The following ELF2 variants were observed in gnomAD, a reference collection of about 807,000 sequenced individuals.
ELF2 encodes the protein ETS-related transcription factor Elf-2.
In ELF2, 11 loss-of-function variants were observed where a neutral mutation model predicts 54.8. The ratio of observed to expected loss-of-function variants is 0.20; its 90% CI spans 0.13 to 0.33. The LOEUF (loss-of-function observed/expected upper bound fraction) is 0.33, where lower values mean the gene tolerates loss of function less well. Among genes scored for constraint, ELF2 ranks in the 10% least tolerant of loss-of-function variants. The pLI is 1.00. For synonymous variants in ELF2, 203 were observed against 245.1 expected (o/e 0.83, Z 1.61); for missense variants, 513 against 703.0 (o/e 0.73, Z 3.06).
At chr4:139,077,264 GCA>G (rs1730439915) in intron 4 of ELF2, among the ~76,000 whole-genome samples, 1 of 152,108 alleles carries the variant, frequency 6.6e-6, no homozygotes, top group African/African-American at 2.4e-5. Flanking sequence ...GCTTTAATGA[GCA>G]CTTCGAGTGT....
intron 4 of ELF2, among the ~76,000 whole-genome samples, chr4:139,113,658 CAG>C (rs1735215711): frequency 6.6e-6 from 1 of 152,036 alleles, no homozygotes; most frequent in Admixed American, 6.6e-5. Flanking sequence ...AGTTTGAGAC[CAG>C]CCTGGCCAAC....
intron 1 of ELF2, among the ~76,000 whole-genome samples, chr4:139,148,029 G>C (rs965807303): frequency 2.0e-5 from 3 of 147,782 alleles, no homozygotes; most frequent in African/African-American, 7.5e-5. Flanking sequence ...CAGGTGATCC[G>C]CCTGCCTCAG....
intron 4 of ELF2, among the ~76,000 whole-genome samples, chr4:139,094,065 A>G (rs1265514043): frequency 1.3e-5 from 2 of 151,740 alleles, no homozygotes; most frequent in Admixed American, 6.6e-5. Context: ...TGCCTGGCTA[A>G]TTTTTTGTAT....
intron 3 of ELF2, among the ~76,000 whole-genome samples, chr4:139,126,732 A>G (rs1736957516): frequency 6.6e-6 from 1 of 152,228 alleles, no homozygotes; most frequent in Non-Finnish European, 1.5e-5. Context: ...ATCATCTTAT[A>G]GAAGTAGAAT....
chr4:139,090,060 G>A (rs1732413252), intron 4 of ELF2, among the ~76,000 whole-genome samples: 1 of 152,152 alleles, frequency 6.6e-6, no homozygotes. Context: ...TCTTAAGTTA[G>A]CTAGGACTAC....
At chr4:139,081,011 G>A (rs1325834844) in intron 4 of ELF2, among the ~76,000 whole-genome samples, 1 of 149,450 alleles carries the variant, frequency 6.7e-6, no homozygotes, top group African/African-American at 2.5e-5. Context: ...ACTTATTTTA[G>A]AGCTTTAAAA....
intron 4 of ELF2, among the ~76,000 whole-genome samples, chr4:139,120,545 T>A (rs2148826612): frequency 6.6e-6 from 1 of 152,220 alleles, no homozygotes; most frequent in Admixed American, 6.5e-5. Flanking sequence ...CTCAAAGGAT[T>A]CTCTGGCCTC....
intron 3 of ELF2, among the ~76,000 whole-genome samples, chr4:139,135,237 A>ATGTG (rs61122327): frequency 0.038 from 4,231 of 112,246 alleles, 80 homozygotes; most frequent in Middle Eastern, 0.094. Flanking sequence ...TACTATATAT[A>ATGTG]TGTGTGTGTG....
intron 1 of ELF2, among the ~76,000 whole-genome samples, chr4:139,171,955 T>C (rs921819381): frequency 4.6e-5 from 7 of 152,062 alleles, no homozygotes; most frequent in Non-Finnish European, 8.8e-5. Flanking sequence ...CAGCTATAAT[T>C]AAAAAAGAAA....
At chr4:139,170,206 A>T (rs1742136094) in intron 1 of ELF2, among the ~76,000 whole-genome samples, 1 of 151,932 alleles carries the variant, frequency 6.6e-6, no homozygotes, top group Non-Finnish European at 1.5e-5. Flanking sequence ...AAAATTTAGA[A>T]ACCACACTTC....
intron 3 of ELF2, 146 bp from the exon 4 acceptor site, chr4:139,125,475 G>T (rs1736824892): frequency 4.7e-6 from 4 of 843,480 alleles, no homozygotes; most frequent in Admixed American, 7.4e-5. Context: ...CAAAACAAGA[G>T]ATGAAAAGGG....
chr4:139,129,502 C>CAGTCAACA (rs1578876331), intron 3 of ELF2, among the ~76,000 whole-genome samples: 2 of 152,200 alleles, frequency 1.3e-5, no homozygotes, highest in African/African-American at 4.8e-5. Context: ...CAGGAATACT[C>CAGTCAACA]AGTCAACACT....
At chr4:139,087,455 T>TTTTTTG (rs546823996) in intron 4 of ELF2, among the ~76,000 whole-genome samples, 105 of 152,260 alleles carry the variant, frequency 6.9e-4, no homozygotes, top group Middle Eastern at 3.4e-3. Flanking sequence ...ACAAACACGT[T>TTTTTTG]TTTTTGTTTT....
intron 4 of ELF2, among the ~76,000 whole-genome samples, chr4:139,119,357 C>T (rs949060906): frequency 6.6e-6 from 1 of 152,218 alleles, no homozygotes; most frequent in Non-Finnish European, 1.5e-5. Context: ...TTATTCTCCA[C>T]CCTTCTTCAC....
At chr4:139,168,094 G>A (rs559926502) in intron 1 of ELF2, among the ~76,000 whole-genome samples, 105 of 152,284 alleles carry the variant, frequency 6.9e-4, no homozygotes, top group Non-Finnish European at 1.3e-3. Flanking sequence ...ATGGAATGCC[G>A]AATGATAACA....
chr4:139,073,094 T>A (rs891603825), intron 5 of ELF2, among the ~76,000 whole-genome samples: 10 of 152,166 alleles, frequency 6.6e-5, no homozygotes, highest in African/African-American at 1.9e-4. Flanking sequence ...TATTTATCAT[T>A]GAATAAAGGA....
intron 4 of ELF2, among the ~76,000 whole-genome samples, chr4:139,091,938 CAT>C (rs897035590): frequency 2.0e-4 from 29 of 148,156 alleles, no homozygotes; most frequent in African/African-American, 5.5e-4. Context: ...TATATATACA[CAT>C]ATATATACAC....
rs72007760 is a variant in ELF2 at position 139,069,848 on chromosome 4, AT to A, written c.526+2017del. 9.4e-4 allele frequency among the ~76,000 whole-genome samples: 139 copies of A among 147,532 alleles called. 1 individual carries two copies. Among genetic ancestry groups the A allele is most frequent in the Admixed American group, 1.9e-3 (28 of 14,864 alleles). The stretch of plus-strand genomic sequence containing the variant: ...AAGTACAGACAGAATGGTTACATGT[AT>A]TTTTTTTTTTTCTTTGAGACAGGGT... On this transcript the variant is annotated intron_variant, in intron 6 of 9. Coordinates refer to ENST00000686138, the MANE Select transcript of ELF2 (RefSeq NM_001331036.3).
rs1043522374 is a variant in ELF2 at position 139,175,435 on chromosome 4, T to C, written c.-252+1532A>G. On this transcript the variant is annotated intron_variant, in intron 1 of 9. Coordinates refer to ENST00000686138, the MANE Select transcript of ELF2 (RefSeq NM_001331036.3). Reference sequence around the variant, plus strand: ...CTATTTCATGTGTTTAACTACTAGATATCGTCTCAATAATATTTACATGAA... The same window carrying C: ...CTATTTCATGTGTTTAACTACTAGACATCGTCTCAATAATATTTACATGAA... Among the ~76,000 whole-genome samples, 4 of 152,360 alleles carry C rather than the reference T, an allele frequency of 2.6e-5. No individual in the cohort carries two copies. The East Asian group carries it at 7.7e-4, about 29-fold the overall frequency.
Sources: allele counts gnomAD v4.1 joint callset (sites outside exome capture counted in the v4.1 genomes callset), GRCh38; gene constraint gnomAD v4.1.1; transcripts MANE v1.5; gene names NCBI Gene and HGNC (gene_info 2026-07-23, HGNC 2026-07-21).